Variants in AFTPH observed in about 807,000 individuals in gnomAD.
AFTPH encodes the protein aftiphilin protein.
A neutral mutation model predicts 72.5 loss-of-function variants in AFTPH; 7 were observed. That is an observed-to-expected ratio of 0.10 (90% confidence interval 0.05 to 0.18). AFTPH has a LOEUF of 0.18. AFTPH is among the 10% of genes least tolerant of loss of function. The pLI, the probability that AFTPH is intolerant of heterozygous loss-of-function variation, is 1.00. For missense variants in AFTPH, 979 were observed against 1,060.5 expected (o/e 0.92, Z 1.07); for synonymous variants, 337 against 370.1 (o/e 0.91, Z 1.03).
At chr2:64,572,845 T>C (rs1025317241) in intron 5 of AFTPH, 101 bp from the exon 6 acceptor site, 13 of 1,482,630 alleles carry the variant, frequency 8.8e-6, no homozygotes, top group South Asian at 8.2e-5. Context: ...TTCAGTACTT[T>C]CCAAGTGACC....
intron 1 of AFTPH, among the ~76,000 whole-genome samples, chr2:64,535,007 T>A (rs1446801987): frequency 6.6e-6 from 1 of 152,212 alleles, no homozygotes; most frequent in Non-Finnish European, 1.5e-5. Context: ...GATTTAATAT[T>A]GTAAACTCCT....
intron 7 of AFTPH, chr2:64,580,989 A>T (rs1258788575): frequency 1.0e-5 from 4 of 395,346 alleles, no homozygotes; most frequent in Non-Finnish European, 1.8e-5. Flanking sequence ...ATTGAATTAA[A>T]TTGTTATTTT....
chr2:64,556,488 G>A (rs1671384888), intron 2 of AFTPH, among the ~76,000 whole-genome samples: 1 of 152,082 alleles, frequency 6.6e-6, no homozygotes, highest in Non-Finnish European at 1.5e-5. Context: ...GATTTAATTT[G>A]TTTGATTAAA....
At chr2:64,545,775 G>A (rs1477767183) in intron 1 of AFTPH, among the ~76,000 whole-genome samples, 1 of 152,020 alleles carries the variant, frequency 6.6e-6, no homozygotes, top group East Asian at 1.9e-4. Flanking sequence ...CAGGGATGGA[G>A]GTGGAGTGGG....
At chr2:64,577,378 G>GT (rs1179333696) in intron 6 of AFTPH, among the ~76,000 whole-genome samples, 1 of 151,752 alleles carries the variant, frequency 6.6e-6, no homozygotes, top group East Asian at 1.9e-4. Flanking sequence ...GTCGATTCGT[G>GT]TTTATCACCT....
intron 2 of AFTPH, among the ~76,000 whole-genome samples, chr2:64,562,313 T>C (rs72888899): frequency 0.042 from 6,296 of 151,600 alleles, 402 homozygotes; most frequent in East Asian, 0.14. Flanking sequence ...TTATGCCCCC[T>C]GCAGTCCTAA....
At chr2:64,527,841 C>T (rs148204060) in intron 1 of AFTPH, among the ~76,000 whole-genome samples, 1 of 152,142 alleles carries the variant, frequency 6.6e-6, no homozygotes, top group Non-Finnish European at 1.5e-5. Flanking sequence ...TTTAACAGCC[C>T]TTTGTCACAC....
intron 1 of AFTPH, among the ~76,000 whole-genome samples, chr2:64,526,358 CAA>C (rs1421907046): frequency 4.6e-5 from 7 of 152,316 alleles, no homozygotes; most frequent in East Asian, 1.9e-4. Flanking sequence ...CCTCAGCAGG[CAA>C]AGTCTTTGAA....
At chr2:64,569,808 G>T in intron 5 of AFTPH, 129 bp downstream of exon 5, 2 of 677,108 alleles carry the variant, frequency 3.0e-6, no homozygotes, top group South Asian at 2.2e-5. Flanking sequence ...GGTATAAATA[G>T]ATCTTTTTTG....
chr2:64,585,701 T>A (rs1673462922), intron 8 of AFTPH, among the ~76,000 whole-genome samples, 156 bp downstream of exon 9: 1 of 152,188 alleles, frequency 6.6e-6, no homozygotes, highest in African/African-American at 2.4e-5. Context: ...ATTATCAAAT[T>A]ATGTTTAATT....
chr2:64,577,905 T>TTGTACAC (rs1672920769), intron 6 of AFTPH, among the ~76,000 whole-genome samples: 1 of 151,948 alleles, frequency 6.6e-6, no homozygotes, highest in African/African-American at 2.4e-5. Context: ...AATATGTGTA[T>TTGTACAC]ATAGTTCTAT....
At chr2:64,575,681 A>G (rs922728142) in intron 6 of AFTPH, among the ~76,000 whole-genome samples, 1 of 150,278 alleles carries the variant, frequency 6.7e-6, no homozygotes, top group Admixed American at 6.8e-5. Context: ...AGAAAATTTT[A>G]TATATATATG....
chr2:64,551,854 G>T, exon 2 of AFTPH: 8 of 1,613,788 alleles, frequency 5.0e-6, no homozygotes, highest in Non-Finnish European at 6.8e-6. Flanking sequence ...TCCATTGATG[G>T]CATGGAAAGA....
At chr2:64,579,046 C>A in intron 6 of AFTPH, 1 of 153,244 alleles carries the variant, frequency 6.5e-6, no homozygotes, top group Non-Finnish European at 1.4e-5. Context: ...TAAGTCAACA[C>A]TTTAAAAATG....
intron 7 of AFTPH, among the ~76,000 whole-genome samples, chr2:64,583,455 CT>C (rs918313011): frequency 6.7e-6 from 1 of 149,654 alleles, no homozygotes; most frequent in Non-Finnish European, 1.5e-5. Flanking sequence ...ATTTTGTTGT[CT>C]TTTTTTTTAA....
chr2:64,590,472 G>C (rs145068720), intron 8 of AFTPH, among the ~76,000 whole-genome samples: 222 of 152,270 alleles, frequency 1.5e-3, no homozygotes, highest in Non-Finnish European at 2.4e-3. Flanking sequence ...TTGACGATTG[G>C]TGAGAAACTG....
At chr2:64,532,801 T>C (rs909817890) in intron 1 of AFTPH, among the ~76,000 whole-genome samples, 1 of 152,110 alleles carries the variant, frequency 6.6e-6, no homozygotes, top group African/African-American at 2.4e-5. Context: ...GATGAAATTG[T>C]TTTGGGAAAA....
intron 6 of AFTPH, chr2:64,578,889 T>C (rs1672992416): frequency 6.6e-6 from 1 of 152,272 alleles, no homozygotes; most frequent in Admixed American, 6.5e-5. Context: ...TTTTTAAAAT[T>C]CTATGCTCGC....
chr2:64,551,432 C>G lies in AFTPH; in HGVS notation c.-32-11C>G. On this transcript the variant is annotated splice_polypyrimidine_tract_variant and intron_variant, in intron 1 of 8. Transcript: ENST00000238856. ...TGTCCCCTCCAAAAATTCTTTTTTT[C>G]TTTTTTACAGGTGTAAATTAATTAT... The G allele has an allele frequency of 6.4e-7, 1 of 1,551,780 alleles. No individual in the cohort carries two copies. The highest frequency in any genetic ancestry group is 1.4e-5 in the African/African-American group (1 of 72,134).
Sources: allele counts gnomAD v4.1 joint callset (sites outside exome capture counted in the v4.1 genomes callset), GRCh38; gene constraint gnomAD v4.1.1; transcripts MANE v1.5; gene names NCBI Gene and HGNC (gene_info 2026-07-23, HGNC 2026-07-21).